SYNE2: variants seen among roughly 807,000 people sequenced by gnomAD.
The protein encoded by SYNE2 is spectrin repeat containing nuclear envelope protein 2, also known as nesprin-2.
SYNE2 carries 431 observed loss-of-function variants against 856.3 expected under a neutral mutation model. The observed-to-expected ratio is 0.50, with a 90% CI of 0.47 to 0.55. SYNE2 has a LOEUF of 0.55. Among genes scored for constraint, SYNE2 ranks in the 20% least tolerant of loss-of-function variants. The pLI is 0.00. For missense variants in SYNE2, 8,129 were observed against 8,023.2 expected (o/e 1.01, Z -0.50); for synonymous variants, 2,923 against 2,872.3 (o/e 1.02, Z -0.56).
chr14:64,111,260 A>G (rs1002138687), intron 65 of SYNE2, among the ~76,000 whole-genome samples: 7 of 151,422 alleles, frequency 4.6e-5, no homozygotes, highest in Admixed American at 6.6e-5. Flanking sequence ...TGAATAAATA[A>G]TGAAGGCAGG....
chr14:63,818,599 A>G (rs529024290), intron 1 of SYNE2, among the ~76,000 whole-genome samples: 2 of 152,104 alleles, frequency 1.3e-5, no homozygotes, highest in Non-Finnish European at 2.9e-5. Flanking sequence ...AAGCATCTAC[A>G]TAAAACATAC....
At position 64,038,993 on chromosome 14, in the gene SYNE2, A is replaced by T. The variant is rs146387358; in HGVS notation, c.7221+7636A>T. ...CAGATGGCAGAGGAGAGTGACAGAGATGAGGCCTGAGAGGTAGGTGTGGCT... is the reference window on the plus strand; with the variant it reads ...CAGATGGCAGAGGAGAGTGACAGAGTTGAGGCCTGAGAGGTAGGTGTGGCT... On this transcript the variant is annotated intron_variant, in intron 45 of 115. Coordinates refer to ENST00000555002, the MANE Select transcript of SYNE2 (RefSeq NM_182914.3). Among the ~76,000 whole-genome samples, 154 of 152,266 alleles carry T rather than the reference A, an allele frequency of 1.0e-3. 1 individual carries two copies. Among genetic ancestry groups the T allele is most frequent in the African/African-American group, 3.5e-3 (144 of 41,554 alleles).
chr14:63,825,165 AC>A (rs1298805492), intron 1 of SYNE2, among the ~76,000 whole-genome samples: 2 of 152,178 alleles, frequency 1.3e-5, no homozygotes, highest in African/African-American at 4.8e-5. Context: ...AGAAAATTAC[AC>A]TAACATACTG....
At chr14:63,818,597 A>G (rs1331650874) in intron 1 of SYNE2, among the ~76,000 whole-genome samples, 1 of 152,092 alleles carries the variant, frequency 6.6e-6, no homozygotes, top group East Asian at 1.9e-4. Flanking sequence ...TAAAGCATCT[A>G]CATAAAACAT....
intron 6 of SYNE2, among the ~76,000 whole-genome samples, chr14:63,946,537 A>G (rs1344913952): frequency 6.7e-6 from 1 of 148,580 alleles, no homozygotes; most frequent in Non-Finnish European, 1.5e-5. Context: ...TCCAGTATAT[A>G]CATTATATAT....
At chr14:63,844,606 T>A (rs1207109886) in intron 1 of SYNE2, among the ~76,000 whole-genome samples, 1 of 152,052 alleles carries the variant, frequency 6.6e-6, no homozygotes, top group Non-Finnish European at 1.5e-5. Context: ...GACTTGGAAT[T>A]TTTTTTTACA....
chr14:63,972,149 T>C lies in SYNE2; in HGVS notation c.1128+4303T>C, dbSNP rs2096484266. 1.3e-5 allele frequency among the ~76,000 whole-genome samples: 2 copies of C among 152,304 alleles called. 1 individual carries two copies. Among genetic ancestry groups the C allele is most frequent in the South Asian group, 4.1e-4 (2 of 4,826 alleles). The stretch of plus-strand genomic sequence containing the variant: ...AATCTTCCCATCAGTGTGGTGCTTA[T>C]TGCATTGTCAGTTTCTATTCTGATC... On this transcript the variant is annotated intron_variant, in intron 11 of 115. Transcript: ENST00000555002.
intron 79 of SYNE2, among the ~76,000 whole-genome samples, chr14:64,138,946 G>GTATGGTGTGT (rs1465109787): frequency 5.1e-5 from 7 of 137,696 alleles, no homozygotes; most frequent in African/African-American, 1.7e-4. Flanking sequence ...GTGTATGTAT[G>GTATGGTGTGT]GTGTGTGTGT....
intron 2 of SYNE2, among the ~76,000 whole-genome samples, chr14:63,920,817 A>C (rs562081878): frequency 6.6e-6 from 1 of 152,156 alleles, no homozygotes; most frequent in Non-Finnish European, 1.5e-5. Flanking sequence ...GGATGTATCA[A>C]AGATGATAGG....
intron 1 of SYNE2, chr14:63,808,630 G>A (rs1350073760): frequency 1.3e-5 from 2 of 152,440 alleles, no homozygotes; most frequent in Non-Finnish European, 2.9e-5. Context: ...ACAGTGTATG[G>A]GGATGGACAT....
At chr14:64,074,163 T>C (rs1478613718) in intron 53 of SYNE2, 27 bp downstream of exon 53, 2 of 1,610,400 alleles carry the variant, frequency 1.2e-6, no homozygotes, top group African/African-American at 1.3e-5. Flanking sequence ...TTAGTGAATG[T>C]GGCAGGTACA....
chr14:64,088,897 A>G (rs2097583764), intron 58 of SYNE2, among the ~76,000 whole-genome samples: 1 of 152,212 alleles, frequency 6.6e-6, no homozygotes, highest in African/African-American at 2.4e-5. Flanking sequence ...CAAAATTTTT[A>G]AATGCTTCTA....
intron 109 of SYNE2, 23 bp downstream of exon 109, chr14:64,218,535 G>A (rs764101060): frequency 3.1e-5 from 49 of 1,602,398 alleles, no homozygotes; most frequent in Middle Eastern, 1.7e-4. Flanking sequence ...ACTGGCAGTC[G>A]TCCAGAGAGG....
intron 109 of SYNE2, 98 bp from the exon 110 acceptor site, chr14:64,219,104 GTTTTTT>G (rs528002229): frequency 1.3e-4 from 54 of 408,892 alleles, no homozygotes; most frequent in African/African-American, 2.3e-4. Context: ...CAGTTTTTTT[GTTTTTT>G]TTTTTTTTTT....
At chr14:64,098,698 A>G in intron 62 of SYNE2, 49 bp from the exon 63 acceptor site, 1 of 1,591,072 alleles carries the variant, frequency 6.3e-7, no homozygotes, top group Non-Finnish European at 8.6e-7. Flanking sequence ...GATCTTGGTG[A>G]TGTTGACTGG....
Position 64,134,051 on chromosome 14 carries a change from A to AT in SYNE2, c.14515-17dup. 1.2e-6 allele frequency: 2 copies of AT among 1,613,748 alleles called. No homozygotes were observed. ...CTGGTAAAGGGCTTCCACTAATTTT[A>AT]TGTCCTTGATTCTCTAGAAATGGGA... On this transcript the variant is annotated splice_polypyrimidine_tract_variant and intron_variant, in intron 77 of 115. Transcript: ENST00000555002.
chr14:64,193,267 C>G (rs867684522), intron 99 of SYNE2, among the ~76,000 whole-genome samples: 2 of 152,136 alleles, frequency 1.3e-5, no homozygotes, highest in Non-Finnish European at 2.9e-5. Flanking sequence ...AAAATAAGAT[C>G]GGCCAGGCAT....
At chr14:63,961,443 A>T in intron 8 of SYNE2, 82 bp from the exon 9 acceptor site, 1 of 1,175,508 alleles carries the variant, frequency 8.5e-7, no homozygotes, top group East Asian at 2.4e-5. Context: ...ACCAAATGGC[A>T]GAGGCTATGG....
At chr14:63,997,446 G>A in intron 25 of SYNE2, 55 bp downstream of exon 25, 2 of 1,357,868 alleles carry the variant, frequency 1.5e-6, no homozygotes, top group South Asian at 1.2e-5. Context: ...AAGACCAAGT[G>A]TACAATAATT....
Sources: gnomAD v4.1 joint callset for allele counts (sites outside exome capture counted in the v4.1 genomes callset) on GRCh38, gnomAD v4.1.1 for gene constraint, MANE v1.5 for transcripts, NCBI Gene and HGNC (gene_info 2026-07-23, HGNC 2026-07-21) for gene names.